CBFA2T3: variants seen among roughly 807,000 people sequenced by gnomAD.
CBFA2T3 encodes CBFA2/RUNX1 partner transcriptional co-repressor 3.
CBFA2T3 carries 31 observed loss-of-function variants against 58.6 expected under a neutral mutation model. That is an observed-to-expected ratio of 0.53 (90% CI 0.40 to 0.71). The LOEUF is 0.71. CBFA2T3 is among the 30% of genes least tolerant of loss of function. The probability of loss-of-function intolerance (pLI) is 0.00; values close to 1 mark genes in which losing one functional copy is unlikely to be tolerated. For synonymous variants in CBFA2T3, 531 were observed against 421.9 expected (o/e 1.26, Z -3.17); for missense variants, 1,076 against 963.1 (o/e 1.12, Z -1.55).
At chr16:88,961,544 A>G (rs71395362) in intron 1 of CBFA2T3, among the ~76,000 whole-genome samples, 5,375 of 104,072 alleles carry the variant, frequency 0.052, 260 homozygotes, top group African/African-American at 0.12. Context: ...GACCCTCAGC[A>G]CTGGGCATTC....
chr16:88,952,204 C>A (rs1034586913), intron 1 of CBFA2T3, among the ~76,000 whole-genome samples: 1 of 152,216 alleles, frequency 6.6e-6, no homozygotes, highest in Non-Finnish European at 1.5e-5. Context: ...CCAGGGTGGA[C>A]AATCTCCAAA....
At chr16:88,912,418 T>C (rs901782702) in intron 1 of CBFA2T3, among the ~76,000 whole-genome samples, 1 of 152,246 alleles carries the variant, frequency 6.6e-6, no homozygotes, top group African/African-American at 2.4e-5. Context: ...GTCCCTCCCG[T>C]TGGCCTCAGG....
At chr16:88,877,950 A>G (rs1447808233) in intron 11 of CBFA2T3, among the ~76,000 whole-genome samples, 1 of 152,104 alleles carries the variant, frequency 6.6e-6, no homozygotes, top group Non-Finnish European at 1.5e-5. Flanking sequence ...CCAGGTCCCT[A>G]TTTGGCCTCC....
At chr16:88,940,884 C>G in intron 1 of CBFA2T3, 1 of 284,760 alleles carries the variant, frequency 3.5e-6, no homozygotes, top group Non-Finnish European at 5.3e-6. Context: ...GGCGGGTTGG[C>G]TCCACCCTGC....
At chr16:88,891,826 G>C (rs915228799) in intron 5 of CBFA2T3, 56 bp downstream of exon 5, 6 of 1,236,610 alleles carry the variant, frequency 4.9e-6, no homozygotes, top group African/African-American at 3.0e-5. Flanking sequence ...CAAGGAGTGG[G>C]ATTAAGGGGC....
At chr16:88,968,082 T>G (rs1263862946) in intron 1 of CBFA2T3, among the ~76,000 whole-genome samples, 1 of 152,224 alleles carries the variant, frequency 6.6e-6, no homozygotes, top group African/African-American at 2.4e-5. Context: ...GTTGGGACCA[T>G]GTGACCACAG....
intron 1 of CBFA2T3, among the ~76,000 whole-genome samples, chr16:88,951,774 C>G (rs1972080019): frequency 2.0e-5 from 3 of 152,368 alleles, no homozygotes; most frequent in South Asian, 4.1e-4. Context: ...GAGGAAGGAC[C>G]TCTTCTTTGA....
At chr16:88,955,841 T>C (rs187703491) in intron 1 of CBFA2T3, among the ~76,000 whole-genome samples, 1,808 of 46,154 alleles carry the variant, frequency 0.039, 159 homozygotes, top group East Asian at 0.29. Flanking sequence ...GCTCCTGACC[T>C]CACCCAAGGC....
In CBFA2T3 at chr16:88,885,050, C is replaced by T. The variant is rs370722363; in HGVS notation, c.1113G>A (p.Pro371=). 3.1e-5 allele frequency: 49 copies of T among 1,595,208 alleles called. 1 individual carries two copies. The highest frequency in any genetic ancestry group is 8.0e-5 in the African/African-American group (6 of 74,858). Residue 371 remains proline (P), a synonymous_variant, in exon 7 of 12, where the codon CCG becomes CCA. Coordinates refer to ENST00000268679, the MANE Select transcript of CBFA2T3 (RefSeq NM_005187.6). This position sits in a 1 kb window ranked among gnomAD's most constrained non-coding sequence, Gnocchi z 5.3. The part of the protein sequence containing the change: ...DPRELRERHR[P]LVVPGSRQEE... ...CCGCCCCACCGGGCTGCTCACCAAG[C>T]GGCCGATGGCGCTCTCGTAGCTCCC...
In CBFA2T3 at chr16:88,977,028, G is replaced by T. The variant is rs554368665; in HGVS notation, c.-221C>A. The T allele has an allele frequency of 3.1e-5, 15 of 485,464 alleles. No individual in the cohort carries two copies. Among genetic ancestry groups the T allele is most frequent in the African/African-American group, 1.5e-4 (8 of 52,276 alleles). 30.1% of individuals were successfully genotyped at this position (485,464 alleles called of 1,614,324 possible). A position where few individuals can be genotyped will look rare whatever the true frequency, so the allele number is the denominator to read the frequency against. On this transcript the variant is annotated 5_prime_UTR_variant, in exon 1 of 12. Coordinates refer to ENST00000268679, the MANE Select transcript of CBFA2T3 (RefSeq NM_005187.6). ...GTGGGAGCCCTGGGGCTCATGTGAC[G>T]CGGGGCGGGCCTGGGGCTGCAGGCT... is the stretch of plus-strand genomic sequence containing the variant.
At chr16:88,916,387 T>C (rs1045326842) in intron 1 of CBFA2T3, among the ~76,000 whole-genome samples, 1 of 152,060 alleles carries the variant, frequency 6.6e-6, no homozygotes, top group Admixed American at 6.5e-5. Context: ...CATGGGGGTG[T>C]ATGTATTCAT....
intron 1 of CBFA2T3, among the ~76,000 whole-genome samples, chr16:88,908,107 C>T (rs968267520): frequency 1.1e-4 from 17 of 152,146 alleles, no homozygotes; most frequent in African/African-American, 1.7e-4. Flanking sequence ...TTTGGGAGGC[C>T]AAGGTAGGCA....
intron 5 of CBFA2T3, 152 bp downstream of exon 5, chr16:88,891,730 C>T (rs1404112365): frequency 3.2e-6 from 2 of 620,726 alleles, no homozygotes; most frequent in Non-Finnish European, 5.8e-6. Flanking sequence ...CCAGGTTGGC[C>T]AAGATCGATG....
intron 1 of CBFA2T3, among the ~76,000 whole-genome samples, chr16:88,945,880 G>A (rs1971889243): frequency 6.6e-6 from 1 of 152,190 alleles, no homozygotes; most frequent in African/African-American, 2.4e-5. Context: ...GTTGATAGAA[G>A]TTTCATTCGT....
rs1969310227 is a variant in CBFA2T3 at position 88,885,160 on chromosome 16, G to T, written c.1003C>A (p.Gln335Lys). 6.2e-7 allele frequency: 1 copy of T among 1,602,574 alleles called. No individual in the cohort carries two copies. Residue 335 changes from glutamine (Q) to lysine (K), a missense_variant, in exon 7 of 12, where the codon CAG becomes AAG. By Grantham distance (53) the Gln-to-Lys change is moderately conservative. Coordinates refer to ENST00000268679, the MANE Select transcript of CBFA2T3 (RefSeq NM_005187.6). This position sits in a 1 kb window ranked among gnomAD's most constrained non-coding sequence, Gnocchi z 5.3. Reference sequence around the variant, plus strand: ...CGGTAGTGCGGCGGCGGTGTGGGCTGCGGTGGCCCGTTGCTGGGGCTGTAG... The same window carrying T: ...CGGTAGTGCGGCGGCGGTGTGGGCTTCGGTGGCCCGTTGCTGGGGCTGTAG... ...QRYSPSNGPPQPTPPPHYRLE... is the reference protein window; with the variant it reads ...QRYSPSNGPPKPTPPPHYRLE...
intron 3 of CBFA2T3, among the ~76,000 whole-genome samples, chr16:88,897,712 T>A (rs549714526): frequency 6.6e-6 from 1 of 152,210 alleles, no homozygotes; most frequent in South Asian, 2.1e-4. Context: ...GTAGGTGGGG[T>A]CTGCCCTAGC....
intron 1 of CBFA2T3, chr16:88,950,269 G>A (rs71395347): frequency 3.8e-5 from 10 of 260,618 alleles, no homozygotes; most frequent in South Asian, 1.6e-4. Context: ...CTGTTCACCC[G>A]TCCCCTGGAC....
chr16:88,887,199 T>G (rs1026508336), intron 5 of CBFA2T3: 2 of 152,270 alleles, frequency 1.3e-5, no homozygotes, highest in Non-Finnish European at 2.9e-5. Flanking sequence ...TCCCCACGAG[T>G]GCATCCACCA....
intron 1 of CBFA2T3, chr16:88,939,097 G>C (rs1971613815): frequency 6.6e-6 from 1 of 152,234 alleles, no homozygotes; most frequent in African/African-American, 2.4e-5. Context: ...ATTTCTTCCA[G>C]TCATGCAGAA....
Sources: gnomAD v4.1 joint callset for allele counts (sites outside exome capture counted in the v4.1 genomes callset) on GRCh38, gnomAD v4.1.1 for gene constraint, Gnocchi (gnomAD v3.1) non-coding constraint, MANE v1.5 for transcripts, NCBI Gene and HGNC (gene_info 2026-07-23, HGNC 2026-07-21) for gene names.